Variants in ZMAT3 observed in about 807,000 individuals in gnomAD.
ZMAT3 encodes zinc finger matrin-type 3, also known as zinc finger matrin-type protein 3.
ZMAT3 carries 17 observed loss-of-function variants against 32.3 expected under a neutral mutation model. The ratio of observed to expected loss-of-function variants is 0.53; its 90% CI spans 0.36 to 0.79. The LOEUF (loss-of-function observed/expected upper bound fraction) is 0.79. ZMAT3 is among the 30% of genes least tolerant of loss of function. ZMAT3 has a pLI of 0.00. For synonymous variants in ZMAT3, 120 were observed against 133.1 expected (o/e 0.90, Z 0.68); for missense variants, 329 against 359.7 (o/e 0.91, Z 0.69).
At chr3:179,065,489 T>C (rs941959197) in intron 2 of ZMAT3, among the ~76,000 whole-genome samples, 10 of 152,210 alleles carry the variant, frequency 6.6e-5, no homozygotes, top group Non-Finnish European at 1.5e-4. Context: ...CTGAATCTTC[T>C]CTATGTATCA....
intron 2 of ZMAT3, among the ~76,000 whole-genome samples, chr3:179,056,610 C>T (rs1720859928): frequency 6.6e-6 from 1 of 152,020 alleles, no homozygotes; most frequent in African/African-American, 2.4e-5. Context: ...TGAGGGTGCC[C>T]GGGGCGAGCG....
intron 2 of ZMAT3, among the ~76,000 whole-genome samples, chr3:179,043,680 A>G (rs764485896): frequency 2.6e-5 from 4 of 152,226 alleles, no homozygotes; most frequent in Admixed American, 6.5e-5. Context: ...CTTCACAACT[A>G]AAACACCAAA....
chr3:179,045,254 C>T (rs1720168181), intron 2 of ZMAT3, among the ~76,000 whole-genome samples: 1 of 151,992 alleles, frequency 6.6e-6, no homozygotes, highest in Non-Finnish European at 1.5e-5. Flanking sequence ...AAAGAAGAGT[C>T]TAGTTAAATA....
intron 2 of ZMAT3, among the ~76,000 whole-genome samples, chr3:179,061,019 G>C (rs1721126874): frequency 6.6e-6 from 1 of 150,494 alleles, no homozygotes; most frequent in Non-Finnish European, 1.5e-5. Context: ...AAACGCAAGG[G>C]CTCAAAAAAA....
chr3:179,053,133 A>G (rs1402613977), intron 2 of ZMAT3, among the ~76,000 whole-genome samples: 1 of 151,946 alleles, frequency 6.6e-6, no homozygotes, highest in African/African-American at 2.4e-5. Flanking sequence ...GTCTCAAAAA[A>G]ATAAAATAAA....
chr3:179,026,369 A>T (rs1718867530), intron 5 of ZMAT3, among the ~76,000 whole-genome samples: 1 of 146,186 alleles, frequency 6.8e-6, no homozygotes, highest in African/African-American at 2.5e-5. Context: ...CTTAATCATA[A>T]TGAATTGTGC....
chr3:179,056,884 G>C (rs764099046), intron 2 of ZMAT3, among the ~76,000 whole-genome samples: 1 of 152,132 alleles, frequency 6.6e-6, no homozygotes, highest in Non-Finnish European at 1.5e-5. Context: ...TCCTTTGTTA[G>C]GGAGAGACAT....
At position 179,020,155 on chromosome 3, in the gene ZMAT3, A is replaced by G. The variant is rs1450097641; in HGVS notation, c.*4862T>C. 6.6e-6 allele frequency: 1 copy of G among 152,230 alleles called. No individual in the cohort carries two copies. Among genetic ancestry groups the G allele is most frequent in the Non-Finnish European group, 1.5e-5 (1 of 68,030 alleles). 9.4% of individuals were successfully genotyped at this position (152,230 alleles called of 1,614,324 possible). A position where few individuals can be genotyped will look rare whatever the true frequency, so the allele number is the denominator to read the frequency against. On this transcript the variant is annotated 3_prime_UTR_variant, in exon 6 of 6. Transcript: ENST00000311417. ...TATTTATGAATGGTGATTAATAGCA[A>G]TAATTCTGTCTCTCTTCTCTCTGTG...
intron 2 of ZMAT3, among the ~76,000 whole-genome samples, chr3:179,041,352 T>A (rs940375219): frequency 6.6e-6 from 1 of 152,136 alleles, no homozygotes; most frequent in Non-Finnish European, 1.5e-5. Context: ...CCTCAGCAAA[T>A]GTAAAAGAAC....
intron 1 of ZMAT3, among the ~76,000 whole-genome samples, chr3:179,069,778 T>G (rs967438806): frequency 1.3e-5 from 2 of 152,204 alleles, no homozygotes; most frequent in Non-Finnish European, 2.9e-5. Flanking sequence ...TTAACAATAC[T>G]TCTCATTAAT....
At chr3:179,067,888 A>G in intron 1 of ZMAT3, 79 bp from the exon 2 acceptor site, 1 of 1,318,142 alleles carries the variant, frequency 7.6e-7, no homozygotes, top group Non-Finnish European at 1.0e-6. Flanking sequence ...AAATGACAAC[A>G]TAATCTGACC....
rs150911428 is a variant in ZMAT3, at chr3:179,021,001, A to G, written c.*4016T>C. ...TTAGCTTTTTAAGTCAGGGGAATGT[A>G]AGGATGATGTCAAATAGCCACGATT... On this transcript the variant is annotated 3_prime_UTR_variant, in exon 6 of 6. Transcript: ENST00000311417. 1 of 152,360 alleles carries G rather than the reference A, an allele frequency of 6.6e-6. No homozygotes were observed. The highest frequency in any genetic ancestry group is 1.5e-5 in the Non-Finnish European group (1 of 68,042). The allele number at this position is 152,360 out of a possible 1,614,324, so 9.4% of individuals were successfully genotyped here. A position where few individuals can be genotyped will look rare whatever the true frequency, so the allele number is the denominator to read the frequency against.
At chr3:179,031,506 C>T (rs1719191763) in intron 2 of ZMAT3, among the ~76,000 whole-genome samples, 1 of 152,120 alleles carries the variant, frequency 6.6e-6, no homozygotes, top group South Asian at 2.1e-4. Flanking sequence ...ATTGCTAGAT[C>T]TTGAAGTAAA....
chr3:179,043,992 C>T (rs1720090550), intron 2 of ZMAT3, among the ~76,000 whole-genome samples: 2 of 152,052 alleles, frequency 1.3e-5, no homozygotes, highest in African/African-American at 2.4e-5. Context: ...CATCATCATT[C>T]GTCGTCAGAG....
intron 1 of ZMAT3, 66 bp from the exon 2 acceptor site, chr3:179,067,875 T>G: frequency 7.2e-7 from 1 of 1,396,040 alleles, no homozygotes; most frequent in Middle Eastern, 2.6e-4. Flanking sequence ...CAAGATAACA[T>G]GTAAATGACA....
At chr3:179,038,915 G>T (rs1027721089) in intron 2 of ZMAT3, among the ~76,000 whole-genome samples, 3 of 152,270 alleles carry the variant, frequency 2.0e-5, no homozygotes, top group South Asian at 4.1e-4. Flanking sequence ...ACTCTCCCGT[G>T]CCTGGCTTGG....
chr3:179,056,992 G>A (rs1315344339), intron 2 of ZMAT3, among the ~76,000 whole-genome samples: 1 of 152,132 alleles, frequency 6.6e-6, no homozygotes, highest in Non-Finnish European at 1.5e-5. Context: ...TGAAGTCTGG[G>A]CAACAAAAGG....
intron 2 of ZMAT3, among the ~76,000 whole-genome samples, chr3:179,048,657 AAGG>A (rs1428383269): frequency 6.6e-6 from 1 of 152,168 alleles, no homozygotes; most frequent in African/African-American, 2.4e-5. Flanking sequence ...GAACTACTAA[AAGG>A]AGTTCTAAAT....
At chr3:179,038,855 C>A (rs1404568162) in intron 2 of ZMAT3, among the ~76,000 whole-genome samples, 2 of 152,208 alleles carry the variant, frequency 1.3e-5, no homozygotes, top group Non-Finnish European at 2.9e-5. Context: ...ACACTTCTGC[C>A]CAAATACTGC....
Sources: gnomAD v4.1 joint callset for allele counts (sites outside exome capture counted in the v4.1 genomes callset) on GRCh38, gnomAD v4.1.1 for gene constraint, MANE v1.5 for transcripts, NCBI Gene and HGNC (gene_info 2026-07-23, HGNC 2026-07-21) for gene names.